CNTN6: variants seen among roughly 807,000 people sequenced by gnomAD.
CNTN6 encodes contactin 6, also known as contactin-6.
Under a neutral mutation model 122.8 loss-of-function variants are expected in CNTN6, and 137 were observed. That is an observed-to-expected ratio of 1.12 (90% CI 0.97 to 1.29). CNTN6 has a LOEUF of 1.29. Ranked by LOEUF, CNTN6 falls within the 50% of genes most tolerant of loss-of-function variation. The probability of loss-of-function intolerance (pLI) is 0.00; values close to 1 mark genes in which losing one functional copy is unlikely to be tolerated. For synonymous variants in CNTN6, 570 were observed against 426.0 expected, an observed-to-expected ratio of 1.34 and a Z score of -4.16; for missense variants, 1,634 against 1,223.4, an observed-to-expected ratio of 1.34 and a Z score of -5.01.
intron 4 of CNTN6, among the ~76,000 whole-genome samples, chr3:1,245,258 CATATATATATATATAT>C (rs545041480): frequency 1.0e-3 from 4 of 3,942 alleles, no homozygotes; most frequent in African/African-American, 3.2e-3. Context: ...ATATATATAA[CATATATATATATATAT>C]ACACACACAT....
At chr3:1,278,354 T>G in intron 4 of CNTN6, 59 bp from the exon 5 acceptor site, 1 of 1,190,874 alleles carries the variant, frequency 8.4e-7, no homozygotes, top group Non-Finnish European at 1.2e-6. Flanking sequence ...AGATTCTTCT[T>G]TAAAATATTT....
At position 1,401,488 on chromosome 3, in the gene CNTN6, C is replaced by T. The variant is rs762373539; in HGVS notation, c.2760C>T (p.Cys920=). 1 of 1,612,038 alleles carries T rather than the reference C, an allele frequency of 6.2e-7. No individual in the cohort carries two copies. Among genetic ancestry groups the T allele is most frequent in the South Asian group, 1.1e-5 (1 of 90,978 alleles). Residue 920 remains cysteine, a synonymous_variant, in exon 21 of 23, where the codon TGC becomes TGT. Coordinates refer to ENST00000446702, the MANE Select transcript of CNTN6 (RefSeq NM_001289080.2). The stretch of plus-strand genomic sequence containing the variant: ...GGAAGCTGACAAACTCTAAATTATG[C>T]TTGAACTGGGAGCATGTAAAAACCA... ...IAWKLTNSKL[C]LNWEHVKTME...
chr3:1,277,995 A>T (rs1183382858), intron 4 of CNTN6, among the ~76,000 whole-genome samples: 2 of 152,216 alleles, frequency 1.3e-5, no homozygotes, highest in Non-Finnish European at 2.9e-5. Flanking sequence ...ATTACATCCT[A>T]AATTCTCATA....
intron 2 of CNTN6, among the ~76,000 whole-genome samples, chr3:1,214,765 G>A (rs891335335): frequency 1.3e-5 from 2 of 152,092 alleles, no homozygotes; most frequent in African/African-American, 4.8e-5. Context: ...CTCTGTGTAT[G>A]TATGTGTGTG....
chr3:1,250,122 A>G (rs1242388376), intron 4 of CNTN6, among the ~76,000 whole-genome samples: 1 of 152,212 alleles, frequency 6.6e-6, no homozygotes, highest in Non-Finnish European at 1.5e-5. Flanking sequence ...TATAAATATT[A>G]AAATTAATAA....
At chr3:1,104,729 G>A (rs770637975) in intron 1 of CNTN6, among the ~76,000 whole-genome samples, 3 of 152,006 alleles carry the variant, frequency 2.0e-5, no homozygotes, top group African/African-American at 4.8e-5. Flanking sequence ...CATCCTTTCA[G>A]TCATCTTGTA....
At chr3:1,211,174 A>G (rs2094032037) in intron 2 of CNTN6, among the ~76,000 whole-genome samples, 2 of 152,204 alleles carry the variant, frequency 1.3e-5, no homozygotes, top group African/African-American at 4.8e-5. Context: ...GTGGGGAAAT[A>G]TATTGGGAGC....
At chr3:1,234,537 A>G (rs2094397417) in intron 4 of CNTN6, among the ~76,000 whole-genome samples, 1 of 152,150 alleles carries the variant, frequency 6.6e-6, no homozygotes. Flanking sequence ...TATCAGAAAA[A>G]GAAATTAAGA....
rs1559993894 is a variant in CNTN6, at chr3:1,385,658, T to TAG, written c.2568_2569dup (p.Val857GlufsTer14). 1 of 1,614,032 alleles carries TAG rather than the reference T, an allele frequency of 6.2e-7. No individual in the cohort carries two copies. Reference sequence around the variant, plus strand: ...CCAAAGAATCCATGATAGGTAAAATTAGAGTCAGTGGAAATGTCACAACCA... The same window carrying TAG: ...CCAAAGAATCCATGATAGGTAAAATTAGAGAGTCAGTGGAAATGTCACAACCA... On this transcript the variant is annotated frameshift_variant, in exon 20 of 23. Transcript: ENST00000446702. LOFTEE classifies it high-confidence loss of function.
chr3:1,291,299 C>A (rs1272374614), intron 5 of CNTN6, among the ~76,000 whole-genome samples: 1 of 152,096 alleles, frequency 6.6e-6, no homozygotes, highest in Non-Finnish European at 1.5e-5. Flanking sequence ...TTCTAAATAT[C>A]TCACTATTAA....
chr3:1,263,594 C>T (rs1244906105), intron 4 of CNTN6, among the ~76,000 whole-genome samples: 1 of 152,132 alleles, frequency 6.6e-6, no homozygotes, highest in African/African-American at 2.4e-5. Context: ...CTTTTGCTCT[C>T]TTCAATTCCT....
chr3:1,244,596 C>T (rs966700567), intron 4 of CNTN6, among the ~76,000 whole-genome samples: 2 of 152,150 alleles, frequency 1.3e-5, no homozygotes, highest in Admixed American at 1.3e-4. Flanking sequence ...AAGGGATGTC[C>T]CCCGATCCGA....
At chr3:1,383,458 G>T in intron 19 of CNTN6, 50 bp downstream of exon 19, 1 of 1,353,060 alleles carries the variant, frequency 7.4e-7, no homozygotes, top group Admixed American at 1.7e-5. Context: ...AATGGACTTC[G>T]CAATAGCTCC....
At chr3:1,218,513 G>T (rs554412355) in intron 2 of CNTN6, among the ~76,000 whole-genome samples, 4 of 152,218 alleles carry the variant, frequency 2.6e-5, no homozygotes, top group African/African-American at 9.6e-5. Flanking sequence ...GTCAGGGCAG[G>T]TATAGGAGTA....
At position 1,372,885 on chromosome 3, in the gene CNTN6, A is replaced by C; in HGVS notation, c.1716A>C (p.Ser572=). 1 of 1,610,492 alleles carries C rather than the reference A, an allele frequency of 6.2e-7. No homozygotes were observed. The change falls in exon 14 of 23, where the codon TCA becomes TCC. Residue 572 remains serine, a synonymous_variant. Transcript: ENST00000446702. ...LMIRNIQLHH[S]GKYLCTVQTT... ...TAAGGAATATTCAGTTACATCATTCAGGAAAATATCTCTGCACAGTACAAA... is the reference window on the plus strand; with the variant it reads ...TAAGGAATATTCAGTTACATCATTCCGGAAAATATCTCTGCACAGTACAAA...
chr3:1,167,673 G>C (rs145787526), intron 2 of CNTN6, among the ~76,000 whole-genome samples: 1 of 152,230 alleles, frequency 6.6e-6, no homozygotes, highest in East Asian at 1.9e-4. Flanking sequence ...GGAAAATGAG[G>C]GAAGGGTAAG....
chr3:1,259,264 A>G (rs9310403), intron 4 of CNTN6, among the ~76,000 whole-genome samples: 3 of 152,034 alleles, frequency 2.0e-5, no homozygotes, highest in Admixed American at 1.3e-4. Context: ...AGAAGACAGA[A>G]CAAGTAATTT....
chr3:1,245,696 A>T (rs2094573555), intron 4 of CNTN6, among the ~76,000 whole-genome samples: 1 of 151,990 alleles, frequency 6.6e-6, no homozygotes, highest in African/African-American at 2.4e-5. Context: ...TAAAAAAAGG[A>T]ATATAAATAA....
intron 20 of CNTN6, among the ~76,000 whole-genome samples, chr3:1,392,501 G>A (rs1467050813): frequency 2.0e-5 from 3 of 151,480 alleles, no homozygotes; most frequent in East Asian, 3.9e-4. Flanking sequence ...CATGGGCAAG[G>A]ACTTCATGTC....
Sources: gnomAD v4.1 joint callset for allele counts (sites outside exome capture counted in the v4.1 genomes callset) on GRCh38, gnomAD v4.1.1 for gene constraint, MANE v1.5 for transcripts, NCBI Gene and HGNC (gene_info 2026-07-23, HGNC 2026-07-21) for gene names.